PACRG: variants seen among roughly 807,000 people sequenced by gnomAD.
PACRG encodes the protein parkin coregulated.
In PACRG, 29 loss-of-function variants were observed where a neutral mutation model predicts 29.7. The ratio of observed to expected loss-of-function variants is 0.98; its 90% CI spans 0.73 to 1.33. PACRG has a LOEUF of 1.33. PACRG is among the 40% of genes most tolerant of loss of function. The pLI is 0.00. For synonymous variants in PACRG, 116 were observed against 118.7 expected (o/e 0.98, Z 0.15); for missense variants, 279 against 316.2 (o/e 0.88, Z 0.89).
intron 2 of PACRG, among the ~76,000 whole-genome samples, chr6:162,965,496 G>A (rs1280544471): frequency 6.6e-6 from 1 of 152,134 alleles, no homozygotes; most frequent in Admixed American, 6.6e-5. Flanking sequence ...AGTAGAAATG[G>A]TGAGGGATCT....
intron 4 of PACRG, among the ~76,000 whole-genome samples, chr6:163,093,195 A>G (rs757288948): frequency 6.6e-6 from 1 of 152,216 alleles, no homozygotes; most frequent in Non-Finnish European, 1.5e-5. Context: ...TCCAGCACAG[A>G]CAAGGAAAGC....
chr6:162,771,939 A>G (rs1562581309), intron 1 of PACRG, among the ~76,000 whole-genome samples: 1 of 152,162 alleles, frequency 6.6e-6, no homozygotes, highest in Non-Finnish European at 1.5e-5. Context: ...CTACATTTCC[A>G]AGCAGGATAA....
chr6:163,066,240 A>G (rs1811532327), intron 3 of PACRG, among the ~76,000 whole-genome samples: 2 of 152,194 alleles, frequency 1.3e-5, no homozygotes, highest in Admixed American at 1.3e-4. Context: ...ATTTTTTGCA[A>G]GAGTAAATTC....
At chr6:163,170,400 TCA>T (rs1217607996) in intron 4 of PACRG, 2 of 152,154 alleles carry the variant, frequency 1.3e-5, no homozygotes, top group Non-Finnish European at 2.9e-5. Flanking sequence ...CTATAGGGAC[TCA>T]CCCCTGCTGA....
intron 1 of PACRG, among the ~76,000 whole-genome samples, chr6:162,801,632 A>G (rs908401635): frequency 2.6e-5 from 4 of 152,120 alleles, no homozygotes; most frequent in African/African-American, 9.7e-5. Context: ...AATTTAGATT[A>G]TTTCCTTTAA....
chr6:162,783,284 C>A (rs1010938761), intron 1 of PACRG, among the ~76,000 whole-genome samples: 2 of 151,800 alleles, frequency 1.3e-5, no homozygotes, highest in African/African-American at 4.8e-5. Context: ...ATTCACAATT[C>A]TAAAATAGCA....
At chr6:163,243,221 G>C (rs1286430103) in intron 4 of PACRG, among the ~76,000 whole-genome samples, 1 of 152,110 alleles carries the variant, frequency 6.6e-6, no homozygotes, top group East Asian at 1.9e-4. Flanking sequence ...CAAATGTCCC[G>C]AACACCCAAG....
rs1314851882 is a variant in PACRG at position 163,178,355 on chromosome 6, T to G, written c.613+88947T>G. Among the ~76,000 whole-genome samples, 4 of 152,272 alleles carry G rather than the reference T, an allele frequency of 2.6e-5. No homozygotes were observed. The East Asian group carries it at 7.8e-4, about 30-fold the overall frequency. On this transcript the variant is annotated intron_variant, in intron 4 of 4. Coordinates refer to ENST00000366888, the MANE Select transcript of PACRG (RefSeq NM_001080379.2). ...TTATGGTCAGAGGGACAAGGGGAAG[T>G]GCTGCGTAGACTCCAACTGGCAGGG...
At chr6:163,193,890 C>CTT (rs746859009) in intron 4 of PACRG, among the ~76,000 whole-genome samples, 19 of 111,466 alleles carry the variant, frequency 1.7e-4, no homozygotes, top group African/African-American at 4.1e-4. Context: ...CTTTTTGTTT[C>CTT]TTTTTTTTTT....
At chr6:163,115,380 G>A (rs1815930889) in intron 4 of PACRG, among the ~76,000 whole-genome samples, 1 of 152,130 alleles carries the variant, frequency 6.6e-6, no homozygotes, top group Non-Finnish European at 1.5e-5. Context: ...CATTAAAATT[G>A]TCCAGTGGTA....
intron 2 of PACRG, among the ~76,000 whole-genome samples, chr6:162,947,608 A>ATGATTATATATAT (rs1554313269): frequency 1.5e-5 from 1 of 66,344 alleles, no homozygotes; most frequent in Non-Finnish European, 2.7e-5. Context: ...ATATATATAT[A>ATGATTATATATAT]ATCATATATA....
At chr6:163,285,208 G>A (rs1784356565) in intron 4 of PACRG, among the ~76,000 whole-genome samples, 1 of 151,808 alleles carries the variant, frequency 6.6e-6, no homozygotes, top group African/African-American at 2.4e-5. Context: ...AACTCCACCG[G>A]ACTCATCTCT....
chr6:162,857,001 C>T lies in PACRG; in HGVS notation c.291+42720C>T, dbSNP rs1050076577. ...TGGCTCACTATGAATGTGCTTGGGA[C>T]GGGATCAGACATGTCACCCCTCCTC... On this transcript the variant is annotated intron_variant, in intron 2 of 4. Coordinates refer to ENST00000366888, the MANE Select transcript of PACRG (RefSeq NM_001080379.2). Among the ~76,000 whole-genome samples the T allele has an allele frequency of 7.9e-5, 12 of 152,084 alleles. No individual in the cohort carries two copies. The South Asian group carries it at 8.3e-4, about 11-fold the overall frequency.
intron 2 of PACRG, among the ~76,000 whole-genome samples, chr6:163,035,822 A>C (rs1808127539): frequency 2.0e-5 from 3 of 151,096 alleles, no homozygotes; most frequent in South Asian, 2.1e-4. Flanking sequence ...CAAAAAAAAA[A>C]AAAAAAAAAA....
chr6:162,753,526 T>C (rs1781674508), intron 1 of PACRG, among the ~76,000 whole-genome samples: 1 of 152,172 alleles, frequency 6.6e-6, no homozygotes, highest in Admixed American at 6.5e-5. Flanking sequence ...GTTGATTCCA[T>C]GTCTTGACTA....
intron 2 of PACRG, among the ~76,000 whole-genome samples, chr6:162,846,861 C>T (rs539486228): frequency 6.6e-6 from 1 of 152,100 alleles, no homozygotes; most frequent in East Asian, 1.9e-4. Context: ...GTGATGCTCC[C>T]CATGCTGACC....
intron 4 of PACRG, among the ~76,000 whole-genome samples, chr6:163,217,608 G>A (rs776002399): frequency 2.5e-4 from 38 of 152,212 alleles, no homozygotes; most frequent in Non-Finnish European, 8.8e-5. Context: ...CAGGAGGTGA[G>A]CAGTGGGCAG....
intron 1 of PACRG, among the ~76,000 whole-genome samples, chr6:162,734,893 C>T (rs1780045335): frequency 6.6e-6 from 1 of 152,206 alleles, no homozygotes; most frequent in Non-Finnish European, 1.5e-5. Flanking sequence ...TCTTTGTAGT[C>T]ACTACCCAAC....
intron 2 of PACRG, among the ~76,000 whole-genome samples, chr6:163,035,996 C>T (rs1410434492): frequency 6.6e-6 from 1 of 152,094 alleles, no homozygotes; most frequent in African/African-American, 2.4e-5. Flanking sequence ...TTGGTTTCTA[C>T]TCTCATCGAT....
Sources: gnomAD v4.1 joint callset for allele counts (sites outside exome capture counted in the v4.1 genomes callset) on GRCh38, gnomAD v4.1.1 for gene constraint, MANE v1.5 for transcripts, NCBI Gene and HGNC (gene_info 2026-07-23, HGNC 2026-07-21) for gene names.